Variants in ZMAT5 observed in about 807,000 individuals in gnomAD.
ZMAT5 encodes zinc finger matrin-type 5.
Under a neutral mutation model 28.0 loss-of-function variants are expected in ZMAT5, and 23 were observed. The observed-to-expected ratio is 0.82, with a 90% CI of 0.59 to 1.16. ZMAT5 has a LOEUF of 1.16. Ranked by LOEUF, ZMAT5 falls within the 50% of genes most tolerant of loss-of-function variation. ZMAT5 has a pLI of 0.00. For synonymous variants in ZMAT5, 76 were observed against 84.1 expected, an observed-to-expected ratio of 0.90 and a Z score of 0.52; for missense variants, 173 against 212.7, an observed-to-expected ratio of 0.81 and a Z score of 1.16.
Position 29,742,456 on chromosome 22 carries a change from T to C in ZMAT5, c.152A>G (p.Glu51Gly), listed in dbSNP as rs1303026165. 6.2e-7 allele frequency: 1 copy of C among 1,613,168 alleles called. No homozygotes were observed. Reference protein sequence around the residue: ...FRDAAAILLDEQNKRPCRKFL... With the variant: ...FRDAAAILLDGQNKRPCRKFL... ...CTTCCTGCAGGGCCGCTTGTTCTGC[T>C]CATCCAGCAAGATGGCAGCTGCATC... The change falls in exon 3 of 6, where the codon GAG becomes GGG. Residue 51 changes from glutamate (E) to glycine (G), a missense_variant. Transcript: ENST00000344318.
intron 5 of ZMAT5, chr22:29,731,603 G>A (rs1267137073): frequency 6.5e-6 from 3 of 460,082 alleles, no homozygotes; most frequent in African/African-American, 2.1e-5. Context: ...AATAACCTTC[G>A]TGTCCACCTG....
chr22:29,748,662 C>A, intron 1 of ZMAT5, 91 bp from the exon 2 acceptor site: 1 of 1,515,734 alleles, frequency 6.6e-7, no homozygotes, highest in Non-Finnish European at 8.9e-7. Context: ...CAGGCCTGAG[C>A]CCAGGCTTTA....
intron 5 of ZMAT5, among the ~76,000 whole-genome samples, chr22:29,733,144 C>A (rs891933258): frequency 6.6e-6 from 1 of 152,200 alleles, no homozygotes; most frequent in Non-Finnish European, 1.5e-5. Flanking sequence ...AATACCAGCC[C>A]CACATCGGCT....
At chr22:29,734,393 C>T (rs903700448) in intron 5 of ZMAT5, among the ~76,000 whole-genome samples, 3 of 152,220 alleles carry the variant, frequency 2.0e-5, no homozygotes, top group Non-Finnish European at 1.5e-5. Flanking sequence ...GTGGGCAGCT[C>T]TCTGTGCCTT....
chr22:29,740,503 C>T (rs569547502), intron 4 of ZMAT5, 147 bp downstream of exon 4: 20 of 774,200 alleles, frequency 2.6e-5, no homozygotes, highest in East Asian at 1.6e-4. Context: ...TGGCCCAAAC[C>T]GGGGGCTCAG....
intron 1 of ZMAT5, among the ~76,000 whole-genome samples, chr22:29,760,314 A>G (rs1430209475): frequency 6.6e-6 from 1 of 151,454 alleles, no homozygotes; most frequent in African/African-American, 2.4e-5. Context: ...CGGAGCTTGC[A>G]GTAAACCGAG....
intron 4 of ZMAT5, among the ~76,000 whole-genome samples, chr22:29,740,344 G>A (rs2067949840): frequency 6.6e-6 from 1 of 152,074 alleles, no homozygotes; most frequent in South Asian, 2.1e-4. Context: ...GGGATGGGGT[G>A]TACCCACCAA....
At position 29,766,074 on chromosome 22, in the gene ZMAT5, G is replaced by A. The variant is rs556701902; in HGVS notation, c.-28+798C>T. Among the ~76,000 whole-genome samples, 9 of 152,312 alleles carry A rather than the reference G, an allele frequency of 5.9e-5. No individual in the cohort carries two copies. The East Asian group carries it at 1.4e-3, about 23-fold the overall frequency. The stretch of plus-strand genomic sequence containing the variant: ...CAGACGCGGTGGCTCACGCACCTTG[G>A]GGGGCGAGGCAGGAAGATTGCTTGA... On this transcript the variant is annotated intron_variant, in intron 1 of 5. Coordinates refer to ENST00000344318, the MANE Select transcript of ZMAT5 (RefSeq NM_001003692.2).
At chr22:29,735,107 A>G (rs1013304629) in intron 5 of ZMAT5, among the ~76,000 whole-genome samples, 2 of 152,118 alleles carry the variant, frequency 1.3e-5, no homozygotes, top group African/African-American at 4.8e-5. Flanking sequence ...ACCCCCTCCC[A>G]TTAAGCAGGG....
intron 5 of ZMAT5, chr22:29,731,728 G>A (rs1045440199): frequency 2.1e-5 from 4 of 188,630 alleles, no homozygotes; most frequent in Non-Finnish European, 4.3e-5. Flanking sequence ...GTGTGATAGG[G>A]AGAAAAAGCA....
intron 1 of ZMAT5, 80 bp from the exon 2 acceptor site, chr22:29,748,651 C>T (rs2068031160): frequency 6.5e-7 from 1 of 1,547,960 alleles, no homozygotes. Flanking sequence ...TTCCTGAGGG[C>T]CAGGCCTGAG....
At chr22:29,753,479 C>T (rs910171854) in intron 1 of ZMAT5, among the ~76,000 whole-genome samples, 5 of 152,064 alleles carry the variant, frequency 3.3e-5, no homozygotes, top group African/African-American at 7.2e-5. Flanking sequence ...AAGCAGAGAT[C>T]GCACCACTGC....
At chr22:29,748,234 G>A (rs757578793) in intron 2 of ZMAT5, 184 bp downstream of exon 2, 20 of 777,980 alleles carry the variant, frequency 2.6e-5, no homozygotes, top group African/African-American at 5.2e-5. Flanking sequence ...TTCAGTCAGC[G>A]TTGTTGGGGA....
chr22:29,744,457 G>T (rs1470668063), intron 2 of ZMAT5, among the ~76,000 whole-genome samples: 4 of 151,990 alleles, frequency 2.6e-5, no homozygotes, highest in Non-Finnish European at 4.4e-5. Context: ...AGCAGGGTGG[G>T]GAGGGTCTAT....
At chr22:29,737,855 G>C (rs1214162431) in intron 5 of ZMAT5, among the ~76,000 whole-genome samples, 1 of 151,122 alleles carries the variant, frequency 6.6e-6, no homozygotes, top group Non-Finnish European at 1.5e-5. Context: ...GCCATCTCCA[G>C]ACCCCCTTCC....
chr22:29,748,699 G>A, intron 1 of ZMAT5, 128 bp from the exon 2 acceptor site: 1 of 1,234,690 alleles, frequency 8.1e-7, no homozygotes, highest in South Asian at 1.5e-5. Context: ...CCCATTAGGA[G>A]TGTCAAGCTG....
intron 2 of ZMAT5, among the ~76,000 whole-genome samples, chr22:29,743,468 T>C: frequency 6.6e-6 from 1 of 152,228 alleles, no homozygotes; most frequent in African/African-American, 2.4e-5. Flanking sequence ...TCTCACTCTG[T>C]CACCCAGGCT....
intron 1 of ZMAT5, among the ~76,000 whole-genome samples, chr22:29,759,633 G>C (rs909074330): frequency 1.3e-5 from 2 of 151,680 alleles, no homozygotes; most frequent in Non-Finnish European, 2.9e-5. Flanking sequence ...AGCCAGTTGG[G>C]GTGTCATGTG....
intron 4 of ZMAT5, 142 bp downstream of exon 4, chr22:29,740,508 G>A (rs2067951034): frequency 8.6e-6 from 7 of 811,458 alleles, no homozygotes; most frequent in South Asian, 1.7e-5. Flanking sequence ...CAAACCGGGG[G>A]CTCAGGGCTC....
Sources: gnomAD v4.1 joint callset for allele counts (sites outside exome capture counted in the v4.1 genomes callset) on GRCh38, gnomAD v4.1.1 for gene constraint, MANE v1.5 for transcripts, NCBI Gene and HGNC (gene_info 2026-07-23, HGNC 2026-07-21) for gene names.